SEC23A: variants seen among roughly 807,000 people sequenced by gnomAD.
SEC23A encodes SEC23 homolog A, COPII component.
SEC23A carries 56 observed loss-of-function variants against 103.7 expected under a neutral mutation model. That is an observed-to-expected ratio of 0.54 (90% CI 0.44 to 0.67). The LOEUF is 0.67. SEC23A is among the 30% of genes least tolerant of loss of function. The pLI is 0.00. For synonymous variants in SEC23A, 281 were observed against 293.0 expected, an observed-to-expected ratio of 0.96 and a Z score of 0.42; for missense variants, 784 against 936.4, an observed-to-expected ratio of 0.84 and a Z score of 2.12.
chr14:39,049,009 G>A (rs892114368), intron 14 of SEC23A, among the ~76,000 whole-genome samples: 1 of 151,884 alleles, frequency 6.6e-6, no homozygotes, highest in Admixed American at 6.6e-5. Flanking sequence ...CAAATAAAGA[G>A]CTCTTAGATA....
At chr14:39,064,795 G>A in intron 11 of SEC23A, 118 bp downstream of exon 11, 1 of 790,572 alleles carries the variant, frequency 1.3e-6, no homozygotes, top group Admixed American at 1.8e-5. Flanking sequence ...GCCTGAGCTG[G>A]TCTCTAACTC....
intron 7 of SEC23A, among the ~76,000 whole-genome samples, chr14:39,076,352 T>C (rs991346108): frequency 1.3e-5 from 2 of 152,080 alleles, no homozygotes; most frequent in Non-Finnish European, 2.9e-5. Context: ...TTTCTCCTGC[T>C]TAACTCATCT....
In SEC23A at chr14:39,063,272, C is replaced by T. The variant is rs368441367; in HGVS notation, c.1398+52G>A. The T allele has an allele frequency of 1.5e-5, 16 of 1,068,070 alleles. No homozygotes were observed. In the African/African-American group the frequency reaches 1.9e-4, roughly 12 times the overall value. The allele number at this position is 1,068,070 out of a possible 1,614,324, so 66.2% of individuals were successfully genotyped here. A position where few individuals can be genotyped will look rare whatever the true frequency, so the allele number is the denominator to read the frequency against. ...AACTATTCATGGCCTAAAGTAAGTA[C>T]TTATTCAAATGTACGTTGTACGTTT... On this transcript the variant is annotated intron_variant, in intron 12 of 19. Transcript: ENST00000307712.
intron 1 of SEC23A, among the ~76,000 whole-genome samples, chr14:39,097,207 C>T (rs548599074): frequency 1.4e-4 from 21 of 152,338 alleles, no homozygotes; most frequent in African/African-American, 4.8e-4. Flanking sequence ...TCCATTTTTA[C>T]TGTCTAAATG....
intron 1 of SEC23A, among the ~76,000 whole-genome samples, chr14:39,099,537 A>C (rs780706864): frequency 6.6e-6 from 1 of 152,216 alleles, no homozygotes; most frequent in Non-Finnish European, 1.5e-5. Flanking sequence ...TGATGAGATC[A>C]GTGTTGGTAT....
intron 13 of SEC23A, among the ~76,000 whole-genome samples, chr14:39,059,107 G>A (rs908031297): frequency 2.0e-5 from 3 of 151,678 alleles, no homozygotes; most frequent in Non-Finnish European, 2.9e-5. Flanking sequence ...TACATTTCCC[G>A]TATCCCTTCA....
rs370922498 is a variant in SEC23A at position 39,032,953 on chromosome 14, C to T, written c.*286G>A. On this transcript the variant is annotated 3_prime_UTR_variant, in exon 20 of 20. Transcript: ENST00000307712. ...ATACAAATGAGTTACATCTGTAGTA[C>T]GAGGCAGACTCTATTTTTTATTAAA... 56 of 335,404 alleles carry T rather than the reference C, an allele frequency of 1.7e-4. No homozygotes were observed. The highest frequency in any genetic ancestry group is 5.3e-4 in the African/African-American group (25 of 47,594). The allele number at this position is 335,404 out of a possible 1,614,324, so 20.8% of individuals were successfully genotyped here. A position where few individuals can be genotyped will look rare whatever the true frequency, so the allele number is the denominator to read the frequency against.
intron 1 of SEC23A, among the ~76,000 whole-genome samples, chr14:39,098,196 G>A (rs1887957337): frequency 6.6e-6 from 1 of 152,170 alleles, no homozygotes; most frequent in Non-Finnish European, 1.5e-5. Context: ...AAACAAAGGT[G>A]TGGGATATTC....
intron 14 of SEC23A, among the ~76,000 whole-genome samples, chr14:39,049,767 G>A (rs983764382): frequency 2.7e-5 from 4 of 150,326 alleles, no homozygotes; most frequent in South Asian, 2.1e-4. Context: ...GAGACAGAGC[G>A]AGATTCTGTC....
At chr14:39,075,820 A>G (rs1418451647) in intron 8 of SEC23A, 115 bp downstream of exon 8, 28 of 810,152 alleles carry the variant, frequency 3.5e-5, no homozygotes, top group Non-Finnish European at 2.1e-6. Context: ...AATACCAGTT[A>G]TAGTATCAAA....
rs1884384 is a variant in SEC23A, at chr14:39,045,027, T to A, written c.1899+136A>T. On this transcript the variant is annotated intron_variant, in intron 16 of 19. Coordinates refer to ENST00000307712, the MANE Select transcript of SEC23A (RefSeq NM_006364.4). ...TCATAAATATTTTAAGCGAATACAT[T>A]AATAGGTTGAGATGTCCATTCTTTT... is the stretch of plus-strand genomic sequence containing the variant. 619,258 of 748,462 alleles carry A rather than the reference T, an allele frequency of 0.83. 256,950 individuals carry two copies. The highest frequency in any genetic ancestry group is 0.85 in the African/African-American group (48,885 of 57,190). 46.4% of individuals were successfully genotyped at this position (748,462 alleles called of 1,614,324 possible). A position where few individuals can be genotyped will look rare whatever the true frequency, so the allele number is the denominator to read the frequency against.
chr14:39,081,644 G>A (rs978139998), intron 7 of SEC23A, among the ~76,000 whole-genome samples: 7 of 152,036 alleles, frequency 4.6e-5, no homozygotes, highest in Admixed American at 6.6e-5. Flanking sequence ...ATTTGATAAC[G>A]GGAGCAGGTT....
chr14:39,039,121 T>C (rs1209576892), intron 18 of SEC23A, 25 bp from the exon 19 acceptor site: 1 of 1,599,974 alleles, frequency 6.3e-7, no homozygotes, highest in Non-Finnish European at 8.6e-7. Context: ...AGAAATAACA[T>C]TATCCATCAA....
chr14:39,077,080 T>C (rs1351924701), intron 7 of SEC23A, among the ~76,000 whole-genome samples: 1 of 150,564 alleles, frequency 6.6e-6, no homozygotes. Context: ...ATATAAAAAT[T>C]AGCTGGGCAT....
At chr14:39,093,377 A>C (rs993566721) in intron 2 of SEC23A, 133 bp from the exon 3 acceptor site, 40 of 705,718 alleles carry the variant, frequency 5.7e-5, no homozygotes, top group Non-Finnish European at 7.9e-5. Flanking sequence ...TAACTTTTAA[A>C]AGCCATGTAG....
chr14:39,090,612 A>C (rs1209229759), intron 5 of SEC23A, among the ~76,000 whole-genome samples: 1 of 152,166 alleles, frequency 6.6e-6, no homozygotes, highest in Non-Finnish European at 1.5e-5. Flanking sequence ...CTTAAGTGAA[A>C]TGTTAAGAAA....
intron 16 of SEC23A, 57 bp from the exon 17 acceptor site, chr14:39,042,929 A>G: frequency 9.7e-7 from 1 of 1,026,040 alleles, no homozygotes; most frequent in Middle Eastern, 2.1e-4. Flanking sequence ...CTACTCAATA[A>G]TATAAAATAG....
chr14:39,079,094 T>C (rs1330207121), intron 7 of SEC23A, among the ~76,000 whole-genome samples: 1 of 152,200 alleles, frequency 6.6e-6, no homozygotes, highest in African/African-American at 2.4e-5. Context: ...ATCAATAAAC[T>C]GTATGTCTAT....
chr14:39,059,299 A>ACAAAAAAAAAC (rs1566491544), intron 13 of SEC23A, among the ~76,000 whole-genome samples: 1 of 75,394 alleles, frequency 1.3e-5, no homozygotes, highest in African/African-American at 3.8e-5. Context: ...AAAAAAAAAA[A>ACAAAAAAAAAC]AAAAAAAAAA....
Sources: gnomAD v4.1 joint callset for allele counts (sites outside exome capture counted in the v4.1 genomes callset) on GRCh38, gnomAD v4.1.1 for gene constraint, MANE v1.5 for transcripts, NCBI Gene and HGNC (gene_info 2026-07-23, HGNC 2026-07-21) for gene names.